ME1: variants seen among roughly 807,000 people sequenced by gnomAD.
The protein encoded by ME1 is malic enzyme 1.
In ME1, 74 loss-of-function variants were observed where a neutral mutation model predicts 66.4. The ratio of observed to expected loss-of-function variants is 1.11; its 90% CI spans 0.92 to 1.35. The LOEUF (loss-of-function observed/expected upper bound fraction) is 1.35. Among genes scored for constraint, ME1 ranks in the 40% most tolerant of loss-of-function variants. The pLI is 0.00. For missense variants in ME1, 750 were observed against 694.1 expected (o/e 1.08, Z -0.90); for synonymous variants, 251 against 235.6 (o/e 1.07, Z -0.60).
intron 3 of ME1, among the ~76,000 whole-genome samples, chr6:83,363,927 CCTT>C (rs1181183101): frequency 1.3e-5 from 2 of 152,008 alleles, no homozygotes; most frequent in African/African-American, 2.4e-5. Flanking sequence ...ATAATTATGA[CCTT>C]ATTATTGTCT....
Position 83,275,610 on chromosome 6 carries a change from C to T in ME1, c.705-21872G>A, listed in dbSNP as rs188948136. ...CCTCCCAAGTAGCTAGGACTACAGG[C>T]GCCGCCACCACGCCTGGCTAATTTT... On this transcript the variant is annotated intron_variant, in intron 6 of 13. Coordinates refer to ENST00000369705, the MANE Select transcript of ME1 (RefSeq NM_002395.6). Among the ~76,000 whole-genome samples the T allele has an allele frequency of 6.6e-3, 936 of 142,578 alleles. 10 individuals are homozygous for T. Among genetic ancestry groups the T allele is most frequent in the African/African-American group, 0.023 (884 of 38,768 alleles). 93.5% of individuals were successfully genotyped at this position (142,578 alleles called of 152,430 possible). A position where few individuals can be genotyped will look rare whatever the true frequency, so the allele number is the denominator to read the frequency against.
In ME1 at chr6:83,415,256, C is replaced by T. The variant is rs1770138961; in HGVS notation, c.79-7355G>A. On this transcript the variant is annotated intron_variant, in intron 1 of 13. Transcript: ENST00000369705. ...AGACTATGAACATTAGACAGCAATTCCAACACATTTAATTACCAATTAATT... is the reference window on the plus strand; with the variant it reads ...AGACTATGAACATTAGACAGCAATTTCAACACATTTAATTACCAATTAATT... 2.0e-5 allele frequency among the ~76,000 whole-genome samples: 3 copies of T among 152,136 alleles called. No homozygotes were observed. In the South Asian group the frequency reaches 6.2e-4, roughly 32 times the overall value.
rs767767561 is a variant in ME1 at position 83,228,812 on chromosome 6, G to GA, written c.1132+13dup. ...ATAAGGGGTAGGGGAGAAGGGAGAG[G>GA]AGAAAATGCTTACCTATGAGGGCAG... On this transcript the variant is annotated intron_variant, in intron 10 of 13. Coordinates refer to ENST00000369705, the MANE Select transcript of ME1 (RefSeq NM_002395.6). The GA allele has an allele frequency of 1.0e-5, 16 of 1,534,738 alleles. No homozygotes were observed. Among genetic ancestry groups the GA allele is most frequent in the Non-Finnish European group, 1.4e-5 (16 of 1,116,960 alleles).
chr6:83,408,467 A>C (rs1769988336), intron 1 of ME1, among the ~76,000 whole-genome samples: 1 of 152,152 alleles, frequency 6.6e-6, no homozygotes, highest in African/African-American at 2.4e-5. Flanking sequence ...GCACATGGTC[A>C]AGATATTCTT....
At chr6:83,314,491 T>C (rs549902970) in intron 6 of ME1, among the ~76,000 whole-genome samples, 1 of 152,308 alleles carries the variant, frequency 6.6e-6, no homozygotes, top group East Asian at 1.9e-4. Context: ...AACCATACAT[T>C]GTCCACATGG....
chr6:83,293,580 T>C (rs2128535294), intron 6 of ME1, among the ~76,000 whole-genome samples: 1 of 152,316 alleles, frequency 6.6e-6, no homozygotes, highest in South Asian at 2.1e-4. Context: ...CAGCCATGCC[T>C]AGAGCTTTAA....
intron 6 of ME1, among the ~76,000 whole-genome samples, chr6:83,314,236 A>G (rs1767983668): frequency 6.6e-6 from 1 of 152,224 alleles, no homozygotes; most frequent in African/African-American, 2.4e-5. Flanking sequence ...ATCAAATGCT[A>G]ACTTAAAAAG....
intron 6 of ME1, among the ~76,000 whole-genome samples, chr6:83,272,651 T>G (rs1445090722): frequency 6.6e-6 from 1 of 152,172 alleles, no homozygotes; most frequent in Non-Finnish European, 1.5e-5. Context: ...ACTTACCCCC[T>G]AAGTCCAAGG....
chr6:83,315,449 T>C (rs758397602), intron 5 of ME1, 36 bp from the exon 6 acceptor site: 1 of 1,199,834 alleles, frequency 8.3e-7, no homozygotes. Context: ...TAGAAATAAC[T>C]ATAACCAAAT....
At chr6:83,300,610 CTTT>C (rs35205380) in intron 6 of ME1, among the ~76,000 whole-genome samples, 3 of 84,988 alleles carry the variant, frequency 3.5e-5, no homozygotes, top group Non-Finnish European at 6.6e-5. Flanking sequence ...TTCTTTCTTT[CTTT>C]TTTTTTTTTT....
At chr6:83,383,192 C>T (rs942401687) in intron 3 of ME1, among the ~76,000 whole-genome samples, 4 of 151,766 alleles carry the variant, frequency 2.6e-5, no homozygotes, top group African/African-American at 9.7e-5. Context: ...CTCTGGAGGA[C>T]TCTTACTAAT....
At chr6:83,218,379 G>A (rs931494121) in intron 12 of ME1, among the ~76,000 whole-genome samples, 5 of 152,194 alleles carry the variant, frequency 3.3e-5, no homozygotes, top group Admixed American at 3.3e-4. Flanking sequence ...GGCTTATGGT[G>A]TCCTCAAGGA....
chr6:83,406,971 T>TACACACACACACACAC lies in ME1; in HGVS notation c.212+781_212+796dup, dbSNP rs59788379. Among the ~76,000 whole-genome samples the TACACACACACACACAC allele has an allele frequency of 8.8e-3, 1,264 of 143,928 alleles. 23 individuals carry two copies. The highest frequency in any genetic ancestry group is 0.03 in the African/African-American group (1,161 of 38,506). 94.4% of individuals were successfully genotyped at this position (143,928 alleles called of 152,430 possible). Reference sequence around the variant, plus strand: ...CCATTTATATTTATATTTTCATTCATACACACACACACACACACACACACA... The same window carrying TACACACACACACACAC: ...CCATTTATATTTATATTTTCATTCATACACACACACACACACACACACACACACACACACACACACA... On this transcript the variant is annotated intron_variant, in intron 2 of 13. Coordinates refer to ENST00000369705, the MANE Select transcript of ME1 (RefSeq NM_002395.6).
intron 5 of ME1, among the ~76,000 whole-genome samples, chr6:83,343,972 A>G (rs756451611): frequency 1.3e-5 from 2 of 152,062 alleles, no homozygotes; most frequent in African/African-American, 2.4e-5. Flanking sequence ...TAATGTCCAC[A>G]TTATACAAAC....
intron 3 of ME1, among the ~76,000 whole-genome samples, chr6:83,362,082 C>T (rs1304525176): frequency 6.6e-6 from 1 of 152,200 alleles, no homozygotes; most frequent in African/African-American, 2.4e-5. Flanking sequence ...CACTACAGCC[C>T]CTTTTTAGGA....
At position 83,227,411 on chromosome 6, in the gene ME1, C is replaced by T. The variant is rs773146004; in HGVS notation, c.1199G>A (p.Arg400Gln). The change falls in exon 11 of 14, where the codon CGG becomes CAG. Residue 400 changes from arginine (R) to glutamine (Q), a missense_variant. Physicochemically the swap from Arg to Gln is conservative, Grantham distance 43 (BLOSUM62 1). Transcript: ENST00000369705. ...ATTACTCAAAGCAAAAATAATAGGC[C>T]GTTCATTGAAGGCAGCCATATCTTT... ...ILKDMAAFNE[R>Q]PIIFALSNPT... is the part of the protein sequence containing the mutation. 36 of 1,604,706 alleles carry T rather than the reference C, an allele frequency of 2.2e-5. No homozygotes were observed. The highest frequency in any genetic ancestry group is 2.0e-4 in the South Asian group (18 of 89,680).
At chr6:83,237,531 G>T (rs1790439466) in intron 9 of ME1, among the ~76,000 whole-genome samples, 186 bp downstream of exon 9, 1 of 152,150 alleles carries the variant, frequency 6.6e-6, no homozygotes, top group African/African-American at 2.4e-5. Flanking sequence ...GATGGAATCT[G>T]TTCCTAAGTC....
chr6:83,264,916 G>A (rs1164017798), intron 6 of ME1, among the ~76,000 whole-genome samples: 1 of 152,178 alleles, frequency 6.6e-6, no homozygotes, highest in Non-Finnish European at 1.5e-5. Context: ...GGAACAACCT[G>A]GTTTGAAAGG....
At position 83,341,033 on chromosome 6, in the gene ME1, G is replaced by A. The variant is rs192723890; in HGVS notation, c.600+5140C>T. Among the ~76,000 whole-genome samples, 304 of 152,096 alleles carry A rather than the reference G, an allele frequency of 2.0e-3. 2 individuals are homozygous for A. The highest frequency in any genetic ancestry group is 3.4e-3 in the Middle Eastern group (1 of 294). On this transcript the variant is annotated intron_variant, in intron 5 of 13. Coordinates refer to ENST00000369705, the MANE Select transcript of ME1 (RefSeq NM_002395.6). Reference sequence around the variant, plus strand: ...CATAACTGAGAGTCACCGGGTGAACGCTGGCCATGCCAGAAAGACTAACCA... The same window carrying A: ...CATAACTGAGAGTCACCGGGTGAACACTGGCCATGCCAGAAAGACTAACCA...
Sources: gnomAD v4.1 joint callset for allele counts (sites outside exome capture counted in the v4.1 genomes callset) on GRCh38, gnomAD v4.1.1 for gene constraint, MANE v1.5 for transcripts, NCBI Gene and HGNC (gene_info 2026-07-23, HGNC 2026-07-21) for gene names.